Variants in ACBD3 observed in about 807,000 individuals in gnomAD.
The protein encoded by ACBD3 is Golgi resident protein GCP60.
Under a neutral mutation model 66.9 loss-of-function variants are expected in ACBD3, and 30 were observed. The ratio of observed to expected loss-of-function variants is 0.45; its 90% confidence interval spans 0.34 to 0.61. The LOEUF (loss-of-function observed/expected upper bound fraction) is 0.61. ACBD3 is among the 20% of genes least tolerant of loss of function. The probability of loss-of-function intolerance (pLI) is 0.02; values close to 1 mark genes in which losing one functional copy is unlikely to be tolerated. For missense variants in ACBD3, 544 were observed against 664.5 expected (o/e 0.82, Z 1.99); for synonymous variants, 278 against 259.8 (o/e 1.07, Z -0.68).
At chr1:226,175,018 C>A (rs1458520277) in intron 1 of ACBD3, among the ~76,000 whole-genome samples, 1 of 148,702 alleles carries the variant, frequency 6.7e-6, no homozygotes, top group African/African-American at 2.5e-5. Context: ...TCGCTTGAAC[C>A]TGGGAGGCGG....
chr1:226,151,069 G>A (rs1659563806), intron 7 of ACBD3, among the ~76,000 whole-genome samples: 1 of 152,184 alleles, frequency 6.6e-6, no homozygotes, highest in South Asian at 2.1e-4. Flanking sequence ...TAGCCCCAGA[G>A]GCCCCAGGGT....
intron 3 of ACBD3, among the ~76,000 whole-genome samples, chr1:226,161,930 ACTT>A (rs1315313353): frequency 2.0e-5 from 3 of 152,378 alleles, no homozygotes; most frequent in African/African-American, 4.8e-5. Flanking sequence ...ATAAGAAACT[ACTT>A]AAGTCATTAT....
Position 226,144,701 on chromosome 1 carries a change from A to C in ACBD3, c.*1909T>G, listed in dbSNP as rs1216461717. On this transcript the variant is annotated 3_prime_UTR_variant, in exon 8 of 8. Transcript: ENST00000366812. ...AAGTTACAGATAAACATTTTAATTG[A>C]TTAAATATATTACTTTCAAGATCTT... The C allele has an allele frequency of 1.3e-5, 2 of 152,664 alleles. No homozygotes were observed. Among genetic ancestry groups the C allele is most frequent in the South Asian group, 4.1e-4 (2 of 4,834 alleles). The allele number at this position is 152,664 out of a possible 1,614,324, so 9.5% of individuals were successfully genotyped here. A position where few individuals can be genotyped will look rare whatever the true frequency, so the allele number is the denominator to read the frequency against.
chr1:226,185,431 T>A (rs1229883800), intron 1 of ACBD3, among the ~76,000 whole-genome samples: 1 of 152,234 alleles, frequency 6.6e-6, no homozygotes, highest in African/African-American at 2.4e-5. Context: ...ATAAATATGC[T>A]GCTCTGGAAT....
intron 1 of ACBD3, among the ~76,000 whole-genome samples, chr1:226,185,600 G>A (rs1459603861): frequency 6.7e-6 from 1 of 148,548 alleles, no homozygotes; most frequent in Non-Finnish European, 1.5e-5. Context: ...TCCACCATTC[G>A]ACTAAGTGAA....
chr1:226,176,425 G>A (rs1391395750), intron 1 of ACBD3, among the ~76,000 whole-genome samples: 3 of 81,952 alleles, frequency 3.7e-5, no homozygotes, highest in Admixed American at 1.8e-4. Context: ...GCGAGACTCC[G>A]TCTCAAAAAA....
Position 226,145,346 on chromosome 1 carries a change from T to C in ACBD3, c.*1264A>G, listed in dbSNP as rs1659426725. ...GATTTAGGATTTGAAATTTTAAAAA[T>C]CTAAGTACTTCAGTAACAACATACA... On this transcript the variant is annotated 3_prime_UTR_variant, in exon 8 of 8. Transcript: ENST00000366812. 1 of 152,448 alleles carries C rather than the reference T, an allele frequency of 6.6e-6. No individual in the cohort carries two copies. The highest frequency in any genetic ancestry group is 2.1e-4 in the South Asian group (1 of 4,836). 9.4% of individuals were successfully genotyped at this position (152,448 alleles called of 1,614,324 possible).
At chr1:226,183,549 T>A (rs984858737) in intron 1 of ACBD3, among the ~76,000 whole-genome samples, 2 of 152,198 alleles carry the variant, frequency 1.3e-5, no homozygotes, top group South Asian at 2.1e-4. Context: ...CGATTAAAAG[T>A]CCCAGCAAGA....
At chr1:226,170,824 G>A (rs1203928191) in intron 1 of ACBD3, among the ~76,000 whole-genome samples, 1 of 152,184 alleles carries the variant, frequency 6.6e-6, no homozygotes, top group East Asian at 1.9e-4. Flanking sequence ...CTGTCACCCA[G>A]GCTGGAGGGC....
chr1:226,186,596 G>A lies in ACBD3; in HGVS notation c.80C>T (p.Pro27Leu). The stretch of plus-strand genomic sequence containing the variant: ...CAGCAGCGGGGCGCCCTCCGCCCCA[G>A]GCCGCTCCTCCGGGTCCGGGCTGAG... ...LTLSPDPEER[P>L]GAEGAPLLPP... is the part of the protein sequence containing the mutation. The change falls in exon 1 of 8, where the codon CCT becomes CTT. Residue 27 changes from proline to leucine, a missense_variant. Physicochemically the swap from Pro to Leu is moderately conservative, Grantham distance 98. Around this residue, in one of 3 missense-constraint regions of ACBD3, gnomAD observed 137 missense variants for 145.9 expected, o/e 0.94. Coordinates refer to ENST00000366812, the MANE Select transcript of ACBD3 (RefSeq NM_022735.4). 7.0e-7 allele frequency: 1 copy of A among 1,432,472 alleles called. No individual in the cohort carries two copies. The highest frequency in any genetic ancestry group is 9.1e-7 in the Non-Finnish European group (1 of 1,095,348). 88.7% of individuals were successfully genotyped at this position (1,432,472 alleles called of 1,614,324 possible). A position where few individuals can be genotyped will look rare whatever the true frequency, so the allele number is the denominator to read the frequency against.
In ACBD3 at chr1:226,170,164, G is replaced by GTTT. The variant is rs5781424; in HGVS notation, c.287-4167_287-4165dup. Among the ~76,000 whole-genome samples, 11 of 133,032 alleles carry GTTT rather than the reference G, an allele frequency of 8.3e-5. 1 individual carries two copies. The highest frequency in any genetic ancestry group is 1.7e-4 in the African/African-American group (6 of 35,700). The allele number at this position is 133,032 out of a possible 152,430, so 87.3% of individuals were successfully genotyped here. On this transcript the variant is annotated intron_variant, in intron 1 of 7. Transcript: ENST00000366812. ...ATTTTTCCTTTCCTTTTTTTTTTTG[G>GTTT]TTTTTTTTTTTGAGACGGAGTCTCA... is the stretch of plus-strand genomic sequence containing the variant.
In ACBD3 at chr1:226,186,651, G is replaced by T. The variant is rs773031939; in HGVS notation, c.25C>A (p.Arg9=). The T allele has an allele frequency of 3.3e-6, 5 of 1,510,758 alleles. No individual in the cohort carries two copies. Among genetic ancestry groups the T allele is most frequent in the Middle Eastern group, 2.1e-4 (1 of 4,818 alleles). 93.6% of individuals were successfully genotyped at this position (1,510,758 alleles called of 1,614,324 possible). ...AGGCCGTCGACGGACACCTCGAGTC[G>T]CTCTGCGTTCAGCACCGCCGCCATC... MAAVLNAE[R]LEVSVDGLTL... is the part of the protein sequence containing the mutation. Residue 9 remains arginine (R), a synonymous_variant, in exon 1 of 8, where the codon CGA becomes AGA. Coordinates refer to ENST00000366812, the MANE Select transcript of ACBD3 (RefSeq NM_022735.4).
At chr1:226,175,047 A>C (rs1297757583) in intron 1 of ACBD3, among the ~76,000 whole-genome samples, 1 of 149,144 alleles carries the variant, frequency 6.7e-6, no homozygotes, top group Non-Finnish European at 1.5e-5. Context: ...GTGAGCCGAA[A>C]TTGCCACTGT....
intron 1 of ACBD3, among the ~76,000 whole-genome samples, chr1:226,183,066 A>C (rs992346976): frequency 6.6e-6 from 1 of 152,242 alleles, no homozygotes; most frequent in African/African-American, 2.4e-5. Context: ...TGGAATAAGA[A>C]ATAGGGCTTG....
chr1:226,156,684 A>G (rs1659678588), intron 5 of ACBD3, among the ~76,000 whole-genome samples: 1 of 152,216 alleles, frequency 6.6e-6, no homozygotes, highest in Admixed American at 6.5e-5. Flanking sequence ...GGTTAATAAC[A>G]CAATTAAGAT....
intron 5 of ACBD3, among the ~76,000 whole-genome samples, chr1:226,155,814 T>C (rs531239705): frequency 2.0e-5 from 3 of 152,386 alleles, no homozygotes; most frequent in Non-Finnish European, 4.4e-5. Context: ...AATTTGAGGT[T>C]AAAAATATTT....
intron 7 of ACBD3, among the ~76,000 whole-genome samples, chr1:226,147,037 G>T (rs1054666488): frequency 1.3e-5 from 2 of 152,048 alleles, no homozygotes; most frequent in Admixed American, 1.3e-4. Flanking sequence ...GATTACAGGC[G>T]TGCACCACTA....
intron 1 of ACBD3, among the ~76,000 whole-genome samples, chr1:226,166,806 A>C (rs1040766881): frequency 1.3e-5 from 2 of 151,672 alleles, no homozygotes; most frequent in African/African-American, 4.8e-5. Flanking sequence ...TTGTAAAAAT[A>C]AGCCAACTAT....
chr1:226,160,348 C>A (rs1251158167), intron 4 of ACBD3, among the ~76,000 whole-genome samples: 1 of 152,154 alleles, frequency 6.6e-6, no homozygotes, highest in Non-Finnish European at 1.5e-5. Flanking sequence ...CCCGCCTCGG[C>A]CTCCCAAAGT....
Sources: gnomAD v4.1 joint callset for allele counts (sites outside exome capture counted in the v4.1 genomes callset) on GRCh38, gnomAD v4.1.1 for gene constraint, gnomAD v4.1.1 regional missense constraint, MANE v1.5 for transcripts, NCBI Gene and HGNC (gene_info 2026-07-23, HGNC 2026-07-21) for gene names.